Variants in NKAIN3 observed in about 807,000 individuals in gnomAD.
NKAIN3 encodes the protein sodium/potassium-transporting ATPase subunit beta-1-interacting protein 3.
Under a neutral mutation model 30.2 loss-of-function variants are expected in NKAIN3, and 25 were observed. The ratio of observed to expected loss-of-function variants is 0.83; its 90% CI spans 0.60 to 1.16. The LOEUF (loss-of-function observed/expected upper bound fraction) is 1.16, where lower values mean the gene tolerates loss of function less well. Among genes scored for constraint, NKAIN3 ranks in the 50% most tolerant of loss-of-function variants. The pLI is 0.00. For synonymous variants in NKAIN3, 91 were observed against 89.6 expected, an observed-to-expected ratio of 1.02 and a Z score of -0.09; for missense variants, 225 against 254.1, an observed-to-expected ratio of 0.89 and a Z score of 0.78.
intron 1 of NKAIN3, among the ~76,000 whole-genome samples, chr8:62,383,686 T>A (rs1195140064): frequency 1.3e-5 from 2 of 152,172 alleles, no homozygotes; most frequent in Admixed American, 6.6e-5. Context: ...TCCTTCACCA[T>A]CCTTTTGCTT....
intron 4 of NKAIN3, among the ~76,000 whole-genome samples, chr8:62,757,762 T>C (rs974596030): frequency 3.9e-5 from 6 of 152,202 alleles, no homozygotes; most frequent in African/African-American, 1.4e-4. Context: ...GCAGTGCCCT[T>C]TGGCTTGAGC....
chr8:62,493,082 T>G, intron 1 of NKAIN3, among the ~76,000 whole-genome samples: 1 of 152,170 alleles, frequency 6.6e-6, no homozygotes, highest in East Asian at 1.9e-4. Context: ...CTTGCTTTTG[T>G]TGGGATTGCT....
intron 1 of NKAIN3, among the ~76,000 whole-genome samples, chr8:62,307,304 A>C (rs993686924): frequency 6.7e-6 from 1 of 149,076 alleles, no homozygotes; most frequent in African/African-American, 2.6e-5. Flanking sequence ...GTCAATGGAA[A>C]TCAAGCCAAA....
At chr8:62,817,436 C>T (rs1157040563) in intron 4 of NKAIN3, among the ~76,000 whole-genome samples, 1 of 152,006 alleles carries the variant, frequency 6.6e-6, no homozygotes, top group Non-Finnish European at 1.5e-5. Flanking sequence ...TTTTTCCTCC[C>T]AGATTCACCT....
intron 1 of NKAIN3, among the ~76,000 whole-genome samples, chr8:62,475,184 T>C (rs1398612908): frequency 6.6e-6 from 1 of 152,186 alleles, no homozygotes; most frequent in Non-Finnish European, 1.5e-5. Context: ...TCAGCTCTCC[T>C]CTGTGAAATA....
intron 4 of NKAIN3, among the ~76,000 whole-genome samples, chr8:62,858,390 G>A (rs140498509): frequency 2.7e-4 from 41 of 152,242 alleles, no homozygotes; most frequent in Middle Eastern, 6.8e-3. Context: ...AGCAGCATGC[G>A]TGTTGGGGAT....
rs1823942830 is a variant in NKAIN3 at position 62,976,459 on chromosome 8, G to T, written c.*11052G>T. Among the ~76,000 whole-genome samples, 1 of 152,018 alleles carries T rather than the reference G, an allele frequency of 6.6e-6. No individual in the cohort carries two copies. The highest frequency in any genetic ancestry group is 1.5e-5 in the Non-Finnish European group (1 of 67,982). On this transcript the variant is annotated 3_prime_UTR_variant, in exon 7 of 7. Transcript: ENST00000623646. ...TGTAATGGCCTTCTGTGTCTGTTTTGATTTTTGTTGGCTTAAAGTCTGTTT... is the reference window on the plus strand; with the variant it reads ...TGTAATGGCCTTCTGTGTCTGTTTTTATTTTTGTTGGCTTAAAGTCTGTTT...
At chr8:62,713,629 T>C (rs1490260926) in intron 3 of NKAIN3, among the ~76,000 whole-genome samples, 1 of 152,180 alleles carries the variant, frequency 6.6e-6, no homozygotes, top group Non-Finnish European at 1.5e-5. Context: ...AAACTGGACA[T>C]CATTCAATTA....
intron 3 of NKAIN3, among the ~76,000 whole-genome samples, chr8:62,710,539 C>T (rs1814680796): frequency 6.6e-6 from 1 of 152,204 alleles, no homozygotes; most frequent in African/African-American, 2.4e-5. Flanking sequence ...AGAATAGCTA[C>T]CCCTGCTCAC....
At chr8:62,328,473 G>A (rs1340960814) in intron 1 of NKAIN3, among the ~76,000 whole-genome samples, 1 of 151,740 alleles carries the variant, frequency 6.6e-6, no homozygotes, top group Non-Finnish European at 1.5e-5. Context: ...TGTTTGGTTA[G>A]TTTTTTTTCT....
intron 1 of NKAIN3, among the ~76,000 whole-genome samples, chr8:62,364,828 C>CAAAA (rs58784999): frequency 0.092 from 5,837 of 63,510 alleles, 1,152 homozygotes; most frequent in Non-Finnish European, 0.11. Flanking sequence ...GACTCCACTA[C>CAAAA]AAAAAAAAAA....
chr8:62,603,530 A>C (rs554673689), intron 3 of NKAIN3, among the ~76,000 whole-genome samples: 1 of 152,256 alleles, frequency 6.6e-6, no homozygotes, highest in East Asian at 1.9e-4. Flanking sequence ...CCATGTAGAC[A>C]GTTGAAGGAA....
At chr8:62,665,434 G>C (rs1813068900) in intron 3 of NKAIN3, among the ~76,000 whole-genome samples, 2 of 151,796 alleles carry the variant, frequency 1.3e-5, no homozygotes, top group Non-Finnish European at 2.9e-5. Context: ...TGCTGGGAGA[G>C]GTCCCACCAA....
At chr8:62,522,340 A>G (rs778658397) in intron 1 of NKAIN3, among the ~76,000 whole-genome samples, 1 of 152,170 alleles carries the variant, frequency 6.6e-6, no homozygotes, top group African/African-American at 2.4e-5. Flanking sequence ...AGCCAGTTAT[A>G]TGAAAGTATA....
chr8:62,266,396 A>T (rs1812598878), intron 1 of NKAIN3, among the ~76,000 whole-genome samples: 1 of 152,200 alleles, frequency 6.6e-6, no homozygotes, highest in Non-Finnish European at 1.5e-5. Context: ...TTCTCTCTTC[A>T]TATGCATGCC....
intron 3 of NKAIN3, among the ~76,000 whole-genome samples, chr8:62,719,826 G>C (rs755972561): frequency 1.2e-4 from 17 of 143,780 alleles, no homozygotes; most frequent in Admixed American, 2.9e-4. Flanking sequence ...GCGCGATCTC[G>C]GTTCACTGCA....
intron 1 of NKAIN3, among the ~76,000 whole-genome samples, chr8:62,276,766 A>G (rs1309180668): frequency 6.6e-6 from 1 of 152,248 alleles, no homozygotes; most frequent in Admixed American, 6.5e-5. Context: ...TTGCTAAATT[A>G]ATGAGAAGAT....
intron 1 of NKAIN3, among the ~76,000 whole-genome samples, chr8:62,290,157 T>C (rs1813539021): frequency 6.6e-6 from 1 of 152,000 alleles, no homozygotes; most frequent in Non-Finnish European, 1.5e-5. Context: ...GACGATGGGG[T>C]TTTCTAAATA....
At chr8:62,567,600 G>A (rs1205509237) in intron 1 of NKAIN3, among the ~76,000 whole-genome samples, 1 of 152,058 alleles carries the variant, frequency 6.6e-6, no homozygotes, top group Non-Finnish European at 1.5e-5. Context: ...AGGTGAGAAG[G>A]AACAGAATGA....
Sources: allele counts gnomAD v4.1 joint callset (sites outside exome capture counted in the v4.1 genomes callset), GRCh38; gene constraint gnomAD v4.1.1; transcripts MANE v1.5; gene names NCBI Gene and HGNC (gene_info 2026-07-23, HGNC 2026-07-21).